MACROD2: variants seen among roughly 807,000 people sequenced by gnomAD.
The protein encoded by MACROD2 is mono-ADP ribosylhydrolase 2.
In MACROD2, 36 loss-of-function variants were observed where a neutral mutation model predicts 70.4. The observed-to-expected ratio is 0.51, with a 90% CI of 0.39 to 0.68. The LOEUF (loss-of-function observed/expected upper bound fraction) is 0.68, where lower values mean the gene tolerates loss of function less well. Ranked by LOEUF, MACROD2 falls within the 30% of genes least tolerant of loss-of-function variation. The pLI, the probability that MACROD2 is intolerant of heterozygous loss-of-function variation, is 0.00. For synonymous variants in MACROD2, 172 were observed against 178.8 expected, an observed-to-expected ratio of 0.96 and a Z score of 0.30; for missense variants, 496 against 538.4, an observed-to-expected ratio of 0.92 and a Z score of 0.78.
At chr20:14,350,340 C>T (rs1051142852) in intron 3 of MACROD2, among the ~76,000 whole-genome samples, 11 of 152,004 alleles carry the variant, frequency 7.2e-5, no homozygotes, top group Non-Finnish European at 1.5e-4. Context: ...ATTTATGTTC[C>T]CACCAACAGT....
chr20:15,997,514 G>T (rs993900807), intron 15 of MACROD2, among the ~76,000 whole-genome samples: 1 of 152,064 alleles, frequency 6.6e-6, no homozygotes. Flanking sequence ...CATTGCTAGT[G>T]TATAGAAATG....
intron 8 of MACROD2, among the ~76,000 whole-genome samples, chr20:15,840,195 G>A (rs936011513): frequency 2.6e-5 from 4 of 152,180 alleles, no homozygotes; most frequent in Admixed American, 2.6e-4. Context: ...CAGCCCATGA[G>A]GATTTGACAA....
chr20:14,106,816 T>G (rs1002111686), intron 3 of MACROD2, among the ~76,000 whole-genome samples: 1 of 152,192 alleles, frequency 6.6e-6, no homozygotes, highest in Non-Finnish European at 1.5e-5. Context: ...TTCCAGATCT[T>G]GTCCAAGACC....
chr20:14,273,402 C>G (rs943180437), intron 3 of MACROD2, among the ~76,000 whole-genome samples: 1 of 149,934 alleles, frequency 6.7e-6, no homozygotes. Flanking sequence ...CTACTGGGTA[C>G]ATAACGAAAT....
At chr20:15,699,370 C>T (rs1452140159) in intron 8 of MACROD2, among the ~76,000 whole-genome samples, 1 of 152,210 alleles carries the variant, frequency 6.6e-6, no homozygotes, top group Non-Finnish European at 1.5e-5. Flanking sequence ...CCCAAGGAGT[C>T]TACCTGGCTC....
At chr20:14,360,359 A>T (rs866821490) in intron 3 of MACROD2, among the ~76,000 whole-genome samples, 2 of 152,350 alleles carry the variant, frequency 1.3e-5, no homozygotes. Flanking sequence ...TTAAAGAATA[A>T]TGTTGTACAT....
chr20:16,003,472 G>C (rs1318576614), intron 15 of MACROD2, among the ~76,000 whole-genome samples: 1 of 152,146 alleles, frequency 6.6e-6, no homozygotes, highest in Non-Finnish European at 1.5e-5. Context: ...TCATGGTCCA[G>C]ACTTCCTGGC....
At chr20:15,539,948 A>G (rs928109642) in intron 8 of MACROD2, among the ~76,000 whole-genome samples, 13 of 152,250 alleles carry the variant, frequency 8.5e-5, no homozygotes, top group African/African-American at 3.1e-4. Context: ...AGATCGTGCC[A>G]CTGCACTCCA....
intron 2 of MACROD2, among the ~76,000 whole-genome samples, chr20:14,050,160 C>T (rs2053545063): frequency 1.3e-5 from 2 of 151,062 alleles, no homozygotes; most frequent in Admixed American, 1.3e-4. Flanking sequence ...CTCATTCATA[C>T]TGAATGATCA....
At chr20:14,329,474 T>G (rs1338208442) in intron 3 of MACROD2, 1 of 152,102 alleles carries the variant, frequency 6.6e-6, no homozygotes, top group Non-Finnish European at 1.5e-5. Context: ...CCTCTTTGTT[T>G]TTAGACTTCT....
At chr20:15,863,807 T>C (rs1396304833) in intron 9 of MACROD2, among the ~76,000 whole-genome samples, 3 of 152,150 alleles carry the variant, frequency 2.0e-5, no homozygotes, top group Non-Finnish European at 2.9e-5. Flanking sequence ...GTAGGATGTG[T>C]TCTATCCAGA....
At chr20:14,003,424 A>G (rs1359762454) in intron 2 of MACROD2, 4 of 167,546 alleles carry the variant, frequency 2.4e-5, no homozygotes, top group African/African-American at 9.6e-5. Flanking sequence ...ACCTTGGGCA[A>G]GCGGGGTAGC....
chr20:14,377,452 G>T (rs1178606673), intron 3 of MACROD2, among the ~76,000 whole-genome samples: 1 of 152,180 alleles, frequency 6.6e-6, no homozygotes, highest in Non-Finnish European at 1.5e-5. Context: ...TTTGGAATTT[G>T]TCTCATCACT....
rs185837019 is a variant in MACROD2, at chr20:14,973,221, G to T, written c.419-256719G>T. On this transcript the variant is annotated intron_variant, in intron 5 of 17. Coordinates refer to ENST00000684519, the MANE Select transcript of MACROD2 (RefSeq NM_001351661.2). ...AGCTAGAGTGCCTAAGAGGTGAGTAGTTGCTTTTTTTTTTTTTTTTTTTTT... is the reference window on the plus strand; with the variant it reads ...AGCTAGAGTGCCTAAGAGGTGAGTATTTGCTTTTTTTTTTTTTTTTTTTTT... 6.2e-3 allele frequency among the ~76,000 whole-genome samples: 818 copies of T among 131,240 alleles called. 9 individuals are homozygous for T. The highest frequency in any genetic ancestry group is 0.022 in the African/African-American group (782 of 36,090). The allele number at this position is 131,240 out of a possible 152,430, so 86.1% of individuals were successfully genotyped here.
At chr20:14,319,496 G>A (rs2122542931) in intron 3 of MACROD2, among the ~76,000 whole-genome samples, 1 of 152,022 alleles carries the variant, frequency 6.6e-6, no homozygotes, top group African/African-American at 2.4e-5. Flanking sequence ...GACCCAACAA[G>A]ACCCCTTCAC....
At chr20:14,675,747 G>T (rs988154188) in intron 4 of MACROD2, among the ~76,000 whole-genome samples, 1 of 151,988 alleles carries the variant, frequency 6.6e-6, no homozygotes, top group Non-Finnish European at 1.5e-5. Flanking sequence ...CCAATTAAAA[G>T]ACACAGGCAA....
intron 6 of MACROD2, among the ~76,000 whole-genome samples, chr20:15,408,397 T>C (rs2046032764): frequency 6.6e-6 from 1 of 152,208 alleles, no homozygotes; most frequent in Admixed American, 6.5e-5. Flanking sequence ...CACTTGTTTA[T>C]GGAGGTTTGT....
chr20:15,384,346 C>T (rs908564316), intron 6 of MACROD2, among the ~76,000 whole-genome samples: 13 of 152,132 alleles, frequency 8.5e-5, no homozygotes, highest in Admixed American at 2.6e-4. Context: ...CAACCTCCCC[C>T]ACTCCCCAGG....
chr20:14,501,372 T>A (rs528208729), intron 4 of MACROD2, among the ~76,000 whole-genome samples: 32 of 152,246 alleles, frequency 2.1e-4, no homozygotes, highest in African/African-American at 7.7e-4. Flanking sequence ...AGTTTGATTT[T>A]AATTTATTAA....
Sources: allele counts gnomAD v4.1 joint callset (sites outside exome capture counted in the v4.1 genomes callset), GRCh38; gene constraint gnomAD v4.1.1; transcripts MANE v1.5; gene names NCBI Gene and HGNC (gene_info 2026-07-23, HGNC 2026-07-21).